Variants in PLD5 observed in about 807,000 individuals in gnomAD.
PLD5 encodes phospholipase D family member 5.
In PLD5, 36 loss-of-function variants were observed where a neutral mutation model predicts 61.1. The ratio of observed to expected loss-of-function variants is 0.59; its 90% CI spans 0.45 to 0.78. The LOEUF (loss-of-function observed/expected upper bound fraction) is 0.78, where lower values mean the gene tolerates loss of function less well. Ranked by LOEUF, PLD5 falls within the 30% of genes least tolerant of loss-of-function variation. The probability of loss-of-function intolerance (pLI) is 0.00; values close to 1 mark genes in which losing one functional copy is unlikely to be tolerated. For synonymous variants in PLD5, 243 were observed against 242.8 expected (o/e 1.00, Z -0.01); for missense variants, 515 against 644.4 (o/e 0.80, Z 2.17).
Position 242,450,782 on chromosome 1 carries a change from C to A in PLD5, c.189+73306G>T, listed in dbSNP as rs529335874. 1.8e-4 allele frequency among the ~76,000 whole-genome samples: 27 copies of A among 152,258 alleles called. No homozygotes were observed. In the South Asian group the frequency reaches 5.2e-3, roughly 29 times the overall value. ...CATTTTCACACCCTCTGGAAAAAGTCTTTTAGGATAGAGAAGCCAATATGG... is the reference window on the plus strand; with the variant it reads ...CATTTTCACACCCTCTGGAAAAAGTATTTTAGGATAGAGAAGCCAATATGG... On this transcript the variant is annotated intron_variant, in intron 1 of 9. Coordinates refer to ENST00000536534, the MANE Select transcript of PLD5 (RefSeq NM_001372062.1).
chr1:242,346,735 T>C (rs1468355844), intron 2 of PLD5, among the ~76,000 whole-genome samples: 1 of 152,096 alleles, frequency 6.6e-6, no homozygotes, highest in African/African-American at 2.4e-5. Flanking sequence ...GCTGCAGAGA[T>C]CATCCCATCA....
chr1:242,120,198 A>G (rs929633750), intron 6 of PLD5, among the ~76,000 whole-genome samples: 1 of 152,176 alleles, frequency 6.6e-6, no homozygotes, highest in Non-Finnish European at 1.5e-5. Context: ...GCTAATCAGT[A>G]TGGGGTTTTT....
chr1:242,332,056 A>T (rs1387378028), intron 2 of PLD5, among the ~76,000 whole-genome samples: 2 of 151,628 alleles, frequency 1.3e-5, no homozygotes, highest in African/African-American at 4.8e-5. Flanking sequence ...CCCCTGACAG[A>T]CCCCAGTGTG....
At chr1:242,232,700 G>A (rs1349024893) in intron 4 of PLD5, among the ~76,000 whole-genome samples, 1 of 151,950 alleles carries the variant, frequency 6.6e-6, no homozygotes, top group East Asian at 1.9e-4. Context: ...AAAATGAGAT[G>A]GGCAAGGTGG....
At chr1:242,503,867 C>T (rs887700257) in intron 1 of PLD5, among the ~76,000 whole-genome samples, 15 of 152,118 alleles carry the variant, frequency 9.9e-5, no homozygotes, top group African/African-American at 3.4e-4. Context: ...TGATGCGGAG[C>T]AGAAAGGTGG....
intron 5 of PLD5, among the ~76,000 whole-genome samples, chr1:242,206,636 G>C (rs1343413370): frequency 1.3e-5 from 2 of 152,150 alleles, no homozygotes; most frequent in Non-Finnish European, 2.9e-5. Context: ...CTAGAGAAAA[G>C]AGAATGGTAT....
chr1:242,405,531 A>ATCCCAGACACCTTTTTC (rs1468344987), intron 1 of PLD5, among the ~76,000 whole-genome samples: 1 of 151,632 alleles, frequency 6.6e-6, no homozygotes, highest in Non-Finnish European at 1.5e-5. Flanking sequence ...CTGCTATTTC[A>ATCCCAGACACCTTTTTC]TCCCAGACAC....
intron 1 of PLD5, chr1:242,449,370 C>T (rs547910837): frequency 5.9e-6 from 9 of 1,536,022 alleles, no homozygotes; most frequent in Middle Eastern, 3.3e-4. Flanking sequence ...GACCAATCTT[C>T]CTTCCCTCCC....
chr1:242,508,857 G>A (rs1668813174), intron 1 of PLD5, among the ~76,000 whole-genome samples: 1 of 152,208 alleles, frequency 6.6e-6, no homozygotes, highest in African/African-American at 2.4e-5. Context: ...AAGGCAGGTG[G>A]ATCACTTGAG....
At chr1:242,456,218 T>C (rs912876354) in intron 1 of PLD5, among the ~76,000 whole-genome samples, 2 of 152,222 alleles carry the variant, frequency 1.3e-5, no homozygotes, top group Non-Finnish European at 2.9e-5. Context: ...TCAGTGACTC[T>C]GAGCTGGGTT....
chr1:242,209,744 C>G (rs1049082376), intron 5 of PLD5, among the ~76,000 whole-genome samples: 1 of 152,148 alleles, frequency 6.6e-6, no homozygotes, highest in Non-Finnish European at 1.5e-5. Context: ...TACCATTGGT[C>G]TCTAAGTTTC....
At chr1:242,428,400 C>A (rs1263035179) in intron 1 of PLD5, among the ~76,000 whole-genome samples, 3 of 152,186 alleles carry the variant, frequency 2.0e-5, no homozygotes, top group Admixed American at 1.3e-4. Context: ...AATATTTATT[C>A]TAAAACAGAA....
At chr1:242,488,428 T>C (rs1362526174) in intron 1 of PLD5, among the ~76,000 whole-genome samples, 1 of 152,196 alleles carries the variant, frequency 6.6e-6, no homozygotes, top group Admixed American at 6.5e-5. Flanking sequence ...ACATGAGGTA[T>C]CATGACATGG....
intron 2 of PLD5, among the ~76,000 whole-genome samples, chr1:242,313,978 T>C (rs1408754249): frequency 2.0e-5 from 3 of 152,106 alleles, no homozygotes; most frequent in African/African-American, 7.2e-5. Flanking sequence ...GAGCCAGACA[T>C]CAAAGGCGTT....
At position 242,084,812 on chromosome 1, in the gene PLD5, C is replaced by T. The variant is rs141705454; in HGVS notation, c.*5042G>A. 1 of 129,612 alleles carries T rather than the reference C, an allele frequency of 7.7e-6. No individual in the cohort carries two copies. The highest frequency in any genetic ancestry group is 2.4e-4 in the East Asian group (1 of 4,152). 8.0% of individuals were successfully genotyped at this position (129,612 alleles called of 1,614,324 possible). ...AGATAGGTATAGTGTTTCAAAGATG[C>T]CTCCTTGTGTGAATATACAAAACAG... is the stretch of plus-strand genomic sequence containing the variant. On this transcript the variant is annotated 3_prime_UTR_variant, in exon 10 of 10. Coordinates refer to ENST00000536534, the MANE Select transcript of PLD5 (RefSeq NM_001372062.1).
At chr1:242,255,489 C>T (rs1368158908) in intron 4 of PLD5, among the ~76,000 whole-genome samples, 1 of 152,208 alleles carries the variant, frequency 6.6e-6, no homozygotes, top group Non-Finnish European at 1.5e-5. Context: ...AAAAATTACG[C>T]ATGCTCTAAA....
chr1:242,161,752 T>G (rs764037418), intron 5 of PLD5, among the ~76,000 whole-genome samples: 1 of 146,028 alleles, frequency 6.8e-6, no homozygotes, highest in Non-Finnish European at 1.5e-5. Context: ...GTAATATACG[T>G]CAAGAAAGAA....
Position 242,264,961 on chromosome 1 carries a change from G to A in PLD5, c.607+376C>T, listed in dbSNP as rs557522297. Among the ~76,000 whole-genome samples the A allele has an allele frequency of 2.4e-3, 372 of 152,156 alleles. 3 individuals are homozygous for A. The highest frequency in any genetic ancestry group is 8.4e-3 in the African/African-American group (347 of 41,504). ...CTATATTATTTTTTAAATATATAGC[G>A]TGAAAAGGATTTTCATTTGGCAGGC... On this transcript the variant is annotated intron_variant, in intron 4 of 9. Coordinates refer to ENST00000536534, the MANE Select transcript of PLD5 (RefSeq NM_001372062.1).
intron 2 of PLD5, among the ~76,000 whole-genome samples, chr1:242,299,013 G>C (rs1050424714): frequency 1.3e-4 from 20 of 150,178 alleles, no homozygotes; most frequent in Admixed American, 9.3e-4. Flanking sequence ...ACAGTAGAAA[G>C]ACAGGTGATT....
Sources: gnomAD v4.1 joint callset for allele counts (sites outside exome capture counted in the v4.1 genomes callset) on GRCh38, gnomAD v4.1.1 for gene constraint, MANE v1.5 for transcripts, NCBI Gene and HGNC (gene_info 2026-07-23, HGNC 2026-07-21) for gene names.